Variants in IKBKE observed in about 807,000 individuals in gnomAD.
The protein encoded by IKBKE is inhibitor of nuclear factor kappa-B kinase subunit epsilon.
Under a neutral mutation model 92.1 loss-of-function variants are expected in IKBKE, and 45 were observed. That is an observed-to-expected ratio of 0.49 (90% CI 0.38 to 0.63). IKBKE has a LOEUF of 0.63. Ranked by LOEUF, IKBKE falls within the 20% of genes least tolerant of loss-of-function variation. IKBKE has a pLI of 0.00. For missense variants in IKBKE, 700 were observed against 932.8 expected (o/e 0.75, Z 3.25); for synonymous variants, 374 against 380.3 (o/e 0.98, Z 0.19).
Position 206,478,991 on chromosome 1 carries a change from C to CA in IKBKE, c.1041_1042insA (p.Arg348ThrfsTer8). 2.5e-6 allele frequency: 4 copies of CA among 1,614,176 alleles called. No individual in the cohort carries two copies. Among genetic ancestry groups the CA allele is most frequent in the Non-Finnish European group, 3.4e-6 (4 of 1,180,038 alleles). On this transcript the variant is annotated frameshift_variant, in exon 10 of 22. Transcript: ENST00000581977. LOFTEE classifies it high-confidence loss of function. This position sits in a 1 kb window ranked among gnomAD's most constrained non-coding sequence, Gnocchi z 4.8. ...TGCACAAGCAGACCAGTGTGGCCCC[C>CA]CGACACCAGGAGTACCTCTTTGAGG...
At position 206,476,963 on chromosome 1, in the gene IKBKE, C is replaced by G; in HGVS notation, c.701+125C>G. ...GGCCCTCCTCTGGTCCACCCCCCAA[C>G]CCAGGCTCTTTGTAGATCTTTTTTT... On this transcript the variant is annotated intron_variant, in intron 7 of 21. Coordinates refer to ENST00000581977, the MANE Select transcript of IKBKE (RefSeq NM_014002.4). This position sits in a 1 kb window ranked among gnomAD's most constrained non-coding sequence, Gnocchi z 5.1. 2.0e-6 allele frequency: 2 copies of G among 1,015,636 alleles called. No homozygotes were observed. Among genetic ancestry groups the G allele is most frequent in the Non-Finnish European group, 2.9e-6 (2 of 694,286 alleles). The allele number at this position is 1,015,636 out of a possible 1,614,324, so 62.9% of individuals were successfully genotyped here.
chr1:206,474,272 T>C (rs2103448912), intron 3 of IKBKE, 59 bp from the exon 4 acceptor site: 2 of 1,527,988 alleles, frequency 1.3e-6, no homozygotes, highest in Non-Finnish European at 1.8e-6. Context: ...TGCTCCCCTG[T>C]GGGAGTGGGA....
chr1:206,471,767 A>G (rs1664788295), intron 2 of IKBKE, among the ~76,000 whole-genome samples: 1 of 152,188 alleles, frequency 6.6e-6, no homozygotes, highest in African/African-American at 2.4e-5. Flanking sequence ...TTGACCACCG[A>G]TCTCTTCAAG....
intron 13 of IKBKE, among the ~76,000 whole-genome samples, chr1:206,484,735 C>T (rs545400898): frequency 6.6e-6 from 1 of 152,158 alleles, no homozygotes; most frequent in Non-Finnish European, 1.5e-5. Context: ...ATCATGGGCC[C>T]GTGAATTTTC....
At chr1:206,477,016 C>T (rs549109817) in intron 7 of IKBKE, among the ~76,000 whole-genome samples, 178 bp downstream of exon 7, 13 of 152,208 alleles carry the variant, frequency 8.5e-5, no homozygotes, top group Non-Finnish European at 1.5e-4. Flanking sequence ...AGCAGCTGAG[C>T]TCTGCCCAGG....
In IKBKE at chr1:206,490,927, A is replaced by C; in HGVS notation, c.1733+69A>C. ...GTGTCCTCAGGGCAGAGCGATTCTCAACGCCAGAGGAGAGGCAGTGAAGGG... is the reference window on the plus strand; with the variant it reads ...GTGTCCTCAGGGCAGAGCGATTCTCCACGCCAGAGGAGAGGCAGTGAAGGG... On this transcript the variant is annotated intron_variant, in intron 17 of 21. Coordinates refer to ENST00000581977, the MANE Select transcript of IKBKE (RefSeq NM_014002.4). The surrounding 1 kb of genome is among the most constrained non-coding windows in gnomAD (Gnocchi z 5.2). The C allele has an allele frequency of 2.3e-4, 321 of 1,400,702 alleles. No homozygotes were observed. The highest frequency in any genetic ancestry group is 3.9e-4 in the Middle Eastern group (2 of 5,110). 86.8% of individuals were successfully genotyped at this position (1,400,702 alleles called of 1,614,324 possible).
intron 21 of IKBKE, among the ~76,000 whole-genome samples, chr1:206,494,777 T>C (rs1162521668): frequency 2.0e-5 from 3 of 151,552 alleles, no homozygotes; most frequent in Admixed American, 1.3e-4. Context: ...TTAATTTTTA[T>C]ATTTTTAGTA....
rs1553389916 is a variant in IKBKE, at chr1:206,490,141, C to T, written c.1694-678C>T. ...GCTCTTAGCTGGCCGAGTGCAGGGC[C>T]CAGGAGGGGGACTCTGCTATGAGAG... On this transcript the variant is annotated intron_variant, in intron 16 of 21. Coordinates refer to ENST00000581977, the MANE Select transcript of IKBKE (RefSeq NM_014002.4). The surrounding 1 kb of genome is among the most constrained non-coding windows in gnomAD (Gnocchi z 5.2). Among the ~76,000 whole-genome samples, 4 of 152,144 alleles carry T rather than the reference C, an allele frequency of 2.6e-5. No individual in the cohort carries two copies. Among genetic ancestry groups the T allele is most frequent in the Non-Finnish European group, 5.9e-5 (4 of 68,020 alleles).
intron 10 of IKBKE, among the ~76,000 whole-genome samples, chr1:206,479,475 G>C (rs1244917797): frequency 6.6e-6 from 1 of 152,168 alleles, no homozygotes; most frequent in Non-Finnish European, 1.5e-5. Context: ...TGAGCTCCTG[G>C]AAAGAAGGGA....
chr1:206,478,049 C>A lies in IKBKE; in HGVS notation c.813-111C>A. On this transcript the variant is annotated intron_variant, in intron 8 of 21. Transcript: ENST00000581977. This position sits in a 1 kb window ranked among gnomAD's most constrained non-coding sequence, Gnocchi z 4.8. Reference sequence around the variant, plus strand: ...TCCTCCCCAACCCACCCTGCCCCACCATCTTGGTCCTAGCTCTTCAGGATA... The same window carrying A: ...TCCTCCCCAACCCACCCTGCCCCACAATCTTGGTCCTAGCTCTTCAGGATA... The A allele has an allele frequency of 1.1e-6, 1 of 909,158 alleles. No homozygotes were observed. Among genetic ancestry groups the A allele is most frequent in the Non-Finnish European group, 1.7e-6 (1 of 591,854 alleles). 56.3% of individuals were successfully genotyped at this position (909,158 alleles called of 1,614,324 possible). A position where few individuals can be genotyped will look rare whatever the true frequency, so the allele number is the denominator to read the frequency against.
chr1:206,487,607 A>G lies in IKBKE; in HGVS notation c.1617-307A>G, dbSNP rs539610550. 6.6e-6 allele frequency among the ~76,000 whole-genome samples: 1 copy of G among 152,238 alleles called. No homozygotes were observed. Among genetic ancestry groups the G allele is most frequent in the South Asian group, 2.1e-4 (1 of 4,818 alleles). On this transcript the variant is annotated intron_variant, in intron 15 of 21. Transcript: ENST00000581977. The surrounding 1 kb of genome is among the most constrained non-coding windows in gnomAD (Gnocchi z 5.3). ...CTAGTCTCACAACTTCTCAGGTAGT[A>G]AAGGCCACGTTCCTGTTGCCCGTCC...
At chr1:206,471,501 G>A (rs1261172495) in intron 2 of IKBKE, among the ~76,000 whole-genome samples, 3 of 152,194 alleles carry the variant, frequency 2.0e-5, no homozygotes, top group Admixed American at 6.5e-5. Context: ...GGGGGTCTGC[G>A]CTTTGCACCT....
rs1204609300 is a variant in IKBKE, at chr1:206,476,400, G to A, written c.540+38G>A. On this transcript the variant is annotated intron_variant, in intron 6 of 21. Coordinates refer to ENST00000581977, the MANE Select transcript of IKBKE (RefSeq NM_014002.4). This position sits in a 1 kb window ranked among gnomAD's most constrained non-coding sequence, Gnocchi z 5.1. Reference sequence around the variant, plus strand: ...CTCGAGACCCGCTGCCCTATGCTGAGGGCTCCCCTTGCCTTGTGAGCCCCC... The same window carrying A: ...CTCGAGACCCGCTGCCCTATGCTGAAGGCTCCCCTTGCCTTGTGAGCCCCC... 4 of 1,569,112 alleles carry A rather than the reference G, an allele frequency of 2.5e-6. No homozygotes were observed. The African/African-American group carries it at 4.0e-5, about 16-fold the overall frequency.
intron 3 of IKBKE, 139 bp from the exon 4 acceptor site, chr1:206,474,192 C>T: frequency 2.6e-6 from 2 of 766,002 alleles, no homozygotes; most frequent in South Asian, 3.5e-5. Context: ...TGGGAGCCCC[C>T]ATCCAACCAG....
intron 16 of IKBKE, among the ~76,000 whole-genome samples, chr1:206,488,550 C>T (rs893807311): frequency 3.9e-5 from 6 of 152,062 alleles, no homozygotes; most frequent in Non-Finnish European, 7.3e-5. Flanking sequence ...TCCAAAGTGA[C>T]TGCCATTGTG....
At chr1:206,483,870 C>A (rs969615294) in intron 13 of IKBKE, among the ~76,000 whole-genome samples, 1 of 152,174 alleles carries the variant, frequency 6.6e-6, no homozygotes, top group South Asian at 2.1e-4. Flanking sequence ...AGAGCTTCCC[C>A]TTGAAGTTGT....
chr1:206,491,573 G>A (rs538739659), intron 17 of IKBKE, 75 bp from the exon 18 acceptor site: 18 of 1,036,894 alleles, frequency 1.7e-5, no homozygotes, highest in East Asian at 7.4e-5. Context: ...GGAGACTGAC[G>A]GAGACTGAGG....
Position 206,478,703 on chromosome 1 carries a change from G to C in IKBKE, c.993-240G>C, listed in dbSNP as rs545515894. On this transcript the variant is annotated intron_variant, in intron 9 of 21. Transcript: ENST00000581977. This position sits in a 1 kb window ranked among gnomAD's most constrained non-coding sequence, Gnocchi z 4.8. ...CAGTGTGACAGGAAGAGGTGCAGAG[G>C]CAAAGGCTGGGTATTAGGACTCCTG... is the stretch of plus-strand genomic sequence containing the variant. Among the ~76,000 whole-genome samples, 26 of 152,254 alleles carry C rather than the reference G, an allele frequency of 1.7e-4. No homozygotes were observed. Among genetic ancestry groups the C allele is most frequent in the Non-Finnish European group, 3.4e-4 (23 of 68,010 alleles).
Position 206,488,030 on chromosome 1 carries a change from G to T in IKBKE, c.1693+40G>T, listed in dbSNP as rs199994074. 285 of 1,463,480 alleles carry T rather than the reference G, an allele frequency of 1.9e-4. 1 individual carries two copies. The African/African-American group carries it at 3.4e-3, about 18-fold the overall frequency. The allele number at this position is 1,463,480 out of a possible 1,614,324, so 90.7% of individuals were successfully genotyped here. On this transcript the variant is annotated intron_variant, in intron 16 of 21. Coordinates refer to ENST00000581977, the MANE Select transcript of IKBKE (RefSeq NM_014002.4). ...GGCAGATGCCCCTTCTCTCTCCTCT[G>T]TCTCCCTTCTTTCGCCTTTCTTCCT...
Sources: gnomAD v4.1 joint callset for allele counts (sites outside exome capture counted in the v4.1 genomes callset) on GRCh38, gnomAD v4.1.1 for gene constraint, Gnocchi (gnomAD v3.1) non-coding constraint, MANE v1.5 for transcripts, NCBI Gene and HGNC (gene_info 2026-07-23, HGNC 2026-07-21) for gene names.